Variants in NLRC5 observed in about 807,000 individuals in gnomAD.
The protein encoded by NLRC5 is protein NLRC5.
NLRC5 carries 114 observed loss-of-function variants against 206.9 expected under a neutral mutation model. That is an observed-to-expected ratio of 0.55 (90% CI 0.47 to 0.64). NLRC5 has a LOEUF of 0.64. NLRC5 is among the 30% of genes least tolerant of loss of function. The pLI is 0.00. For missense variants in NLRC5, 2,008 were observed against 2,305.5 expected (o/e 0.87, Z 2.64); for synonymous variants, 952 against 962.8 (o/e 0.99, Z 0.21).
intron 5 of NLRC5, among the ~76,000 whole-genome samples, chr16:57,024,119 G>A (rs1472432781): frequency 6.6e-6 from 1 of 152,236 alleles, no homozygotes; most frequent in Non-Finnish European, 1.5e-5. Flanking sequence ...CACCATACAG[G>A]TCTCAGCTTC....
At chr16:57,073,062 G>A (rs1039083030) in intron 38 of NLRC5, among the ~76,000 whole-genome samples, 1 of 152,062 alleles carries the variant, frequency 6.6e-6, no homozygotes, top group Non-Finnish European at 1.5e-5. Flanking sequence ...TTTATTTAGG[G>A]GATTGGAGGC....
chr16:57,074,432 G>T, intron 38 of NLRC5, 168 bp from the exon 39 acceptor site: 1 of 630,212 alleles, frequency 1.6e-6, no homozygotes, highest in Non-Finnish European at 2.9e-6. Flanking sequence ...CAGAGAAACA[G>T]CATTTGGACC....
intron 36 of NLRC5, among the ~76,000 whole-genome samples, chr16:57,069,426 C>T (rs1207536280): frequency 1.3e-5 from 2 of 151,968 alleles, no homozygotes; most frequent in Non-Finnish European, 2.9e-5. Context: ...GCGAGACCAC[C>T]CCCATCTCTA....
intron 28 of NLRC5, chr16:57,058,542 T>G: frequency 3.1e-6 from 1 of 320,618 alleles, no homozygotes; most frequent in Non-Finnish European, 5.9e-6. Context: ...AATGTGGAGA[T>G]GTCCCTGTGG....
intron 14 of NLRC5, among the ~76,000 whole-genome samples, 165 bp downstream of exon 14, chr16:57,036,348 G>A (rs534455086): frequency 1.2e-4 from 18 of 152,292 alleles, no homozygotes; most frequent in Admixed American, 1.2e-3. Flanking sequence ...CTTCACCTCC[G>A]GCATGAGCCA....
chr16:57,047,376 T>C (rs2064131206), intron 22 of NLRC5, among the ~76,000 whole-genome samples, 169 bp from the exon 23 acceptor site: 1 of 151,668 alleles, frequency 6.6e-6, no homozygotes, highest in African/African-American at 2.4e-5. Context: ...GGCAGGAGGA[T>C]TGGGGGCTGC....
intron 1 of NLRC5, among the ~76,000 whole-genome samples, chr16:56,996,914 C>T (rs2057682294): frequency 6.6e-6 from 1 of 152,148 alleles, no homozygotes; most frequent in Non-Finnish European, 1.5e-5. Context: ...CTGTTGCCCA[C>T]ACTGGAGTGC....
At chr16:57,003,101 C>A (rs2058486132) in intron 1 of NLRC5, among the ~76,000 whole-genome samples, 1 of 151,714 alleles carries the variant, frequency 6.6e-6, no homozygotes, top group African/African-American at 2.4e-5. Flanking sequence ...GCTCTGTCGC[C>A]CAGACTGGAG....
rs543854113 is a variant in NLRC5 at position 57,055,349 on chromosome 16, G to A, written c.3660-84G>A. On this transcript the variant is annotated intron_variant, in intron 26 of 48. Coordinates refer to ENST00000688547, the MANE Select transcript of NLRC5 (RefSeq NM_001384950.1). ...GTGGAGACCCACCTGGAGCCCAGAG[G>A]CTGTGCCCTGGGCTAGCCAGGCCGG... is the stretch of plus-strand genomic sequence containing the variant. The A allele has an allele frequency of 2.5e-4, 323 of 1,289,362 alleles. 2 individuals carry two copies. In the South Asian group the frequency reaches 3.7e-3, roughly 15 times the overall value. 79.9% of individuals were successfully genotyped at this position (1,289,362 alleles called of 1,614,324 possible).
intron 15 of NLRC5, 94 bp downstream of exon 15, chr16:57,037,378 G>C: frequency 8.6e-7 from 1 of 1,166,788 alleles, no homozygotes; most frequent in Non-Finnish European, 1.3e-6. Flanking sequence ...GCCTTGGGAC[G>C]GGCAGAAGAT....
intron 16 of NLRC5, 85 bp from the exon 17 acceptor site, chr16:57,040,565 G>C (rs965481860): frequency 1.5e-6 from 2 of 1,354,606 alleles, no homozygotes; most frequent in Admixed American, 3.4e-5. Context: ...GATAGGGCTC[G>C]ATGGTGGAAG....
Position 57,079,605 on chromosome 16 carries a change from G to A in NLRC5, c.5297G>A (p.Ser1766Asn). 3 of 1,613,978 alleles carry A rather than the reference G, an allele frequency of 1.9e-6. No individual in the cohort carries two copies. Among genetic ancestry groups the A allele is most frequent in the Non-Finnish European group, 2.5e-6 (3 of 1,179,926 alleles). ...AAGCTCCTCACCTCCAGCTTCACGA[G>A]CTGCCCTGCCCTGGAAGTAATCTTG... ...TAKLLTSSFT[S>N]CPALEVILLS... The change falls in exon 46 of 49, where the codon AGC becomes AAC. Residue 1766 changes from serine to asparagine, a missense_variant. Physicochemically the swap from Ser to Asn is conservative, Grantham distance 46 (BLOSUM62 1). Transcript: ENST00000688547.
intron 1 of NLRC5, among the ~76,000 whole-genome samples, chr16:56,993,304 C>T (rs1170365022): frequency 2.0e-5 from 3 of 151,778 alleles, no homozygotes; most frequent in African/African-American, 7.3e-5. Context: ...TAAAATCTGC[C>T]CTTTCCCTCT....
At position 57,005,293 on chromosome 16, in the gene NLRC5, G is replaced by A. The variant is rs536273181; in HGVS notation, c.-127-11781G>A. Among the ~76,000 whole-genome samples, 12 of 152,248 alleles carry A rather than the reference G, an allele frequency of 7.9e-5. No individual in the cohort carries two copies. In the South Asian group the frequency reaches 2.5e-3, roughly 32 times the overall value. ...AATATAAAAACTACTAGCTATGCATGGAGAAATCAATTGAAGAACAGTGGC... is the reference window on the plus strand; with the variant it reads ...AATATAAAAACTACTAGCTATGCATAGAGAAATCAATTGAAGAACAGTGGC... On this transcript the variant is annotated intron_variant, in intron 1 of 48. Transcript: ENST00000688547.
At chr16:57,027,342 T>C (rs1435501787) in intron 6 of NLRC5, among the ~76,000 whole-genome samples, 2 of 152,214 alleles carry the variant, frequency 1.3e-5, no homozygotes, top group African/African-American at 4.8e-5. Context: ...GGCCAGAGTT[T>C]CTTCGTTCCT....
At chr16:57,070,385 G>A (rs2144879344) in intron 37 of NLRC5, 150 bp from the exon 38 acceptor site, 8 of 647,350 alleles carry the variant, frequency 1.2e-5, no homozygotes, top group Non-Finnish European at 2.2e-5. Context: ...GGATACCCAT[G>A]GGGAACCTGG....
chr16:57,030,194 C>T (rs1444414099), intron 10 of NLRC5, 110 bp downstream of exon 10: 4 of 867,118 alleles, frequency 4.6e-6, no homozygotes, highest in Middle Eastern at 2.5e-4. Context: ...TCTGTGCATA[C>T]CCTACTGTTT....
chr16:56,992,623 C>A (rs1301413082), intron 1 of NLRC5, among the ~76,000 whole-genome samples: 1 of 151,832 alleles, frequency 6.6e-6, no homozygotes. Context: ...ATTATAGGCA[C>A]CTGCCCCCAT....
intron 38 of NLRC5, 176 bp from the exon 39 acceptor site, chr16:57,074,424 G>A (rs1254589490): frequency 1.6e-6 from 1 of 616,654 alleles, no homozygotes; most frequent in Non-Finnish European, 3.0e-6. Context: ...AATTCATGCA[G>A]AGAAACAGCA....
Sources: allele counts gnomAD v4.1 joint callset (sites outside exome capture counted in the v4.1 genomes callset), GRCh38; gene constraint gnomAD v4.1.1; transcripts MANE v1.5; gene names NCBI Gene and HGNC (gene_info 2026-07-23, HGNC 2026-07-21).